Variants in PCP4 observed in about 807,000 individuals in gnomAD.
The protein encoded by PCP4 is Purkinje cell protein 4.
PCP4 carries 8 observed loss-of-function variants against 10.0 expected under a neutral mutation model. The observed-to-expected ratio is 0.80, with a 90% CI of 0.47 to 1.45. PCP4 has a LOEUF of 1.45. Ranked by LOEUF, PCP4 falls within the 40% of genes most tolerant of loss-of-function variation. PCP4 has a pLI of 0.00. For synonymous variants in PCP4, 21 were observed against 23.0 expected, an observed-to-expected ratio of 0.91 and a Z score of 0.24; for missense variants, 54 against 74.4, an observed-to-expected ratio of 0.73 and a Z score of 1.01.
At position 39,872,078 on chromosome 21, in the gene PCP4, A is replaced by G. The variant is rs146757945; in HGVS notation, c.9+4568A>G. Among the ~76,000 whole-genome samples the G allele has an allele frequency of 3.1e-4, 47 of 152,272 alleles. 2 individuals carry two copies. The East Asian group carries it at 8.9e-3, about 29-fold the overall frequency. Reference sequence around the variant, plus strand: ...CAGTAGCGCGATCTTGGCTCACTGCAACCTCTGCCTCCCAGGTTCAAGCAA... The same window carrying G: ...CAGTAGCGCGATCTTGGCTCACTGCGACCTCTGCCTCCCAGGTTCAAGCAA... On this transcript the variant is annotated intron_variant, in intron 1 of 2. Coordinates refer to ENST00000328619, the MANE Select transcript of PCP4 (RefSeq NM_006198.3).
intron 1 of PCP4, among the ~76,000 whole-genome samples, chr21:39,893,481 C>T (rs946742418): frequency 1.1e-4 from 16 of 152,188 alleles, no homozygotes; most frequent in Non-Finnish European, 1.5e-5. Flanking sequence ...GAATGGAAAC[C>T]TCGCTTTCTG....
chr21:39,917,205 T>C (rs2087572330), intron 2 of PCP4, among the ~76,000 whole-genome samples: 1 of 152,242 alleles, frequency 6.6e-6, no homozygotes, highest in South Asian at 2.1e-4. Flanking sequence ...TTCTAGCAGA[T>C]GCTTGACTGC....
chr21:39,894,677 G>A (rs2087448549), intron 1 of PCP4, among the ~76,000 whole-genome samples: 1 of 152,166 alleles, frequency 6.6e-6, no homozygotes, highest in African/African-American at 2.4e-5. Context: ...TTGCTCTGAA[G>A]CCAATTTATT....
chr21:39,869,490 A>G (rs2087309679), intron 1 of PCP4, among the ~76,000 whole-genome samples: 1 of 152,154 alleles, frequency 6.6e-6, no homozygotes, highest in Non-Finnish European at 1.5e-5. Context: ...CAAGGGGCAC[A>G]TCCCACTTTT....
At chr21:39,927,279 GATCTATCT>G (rs10526940) in intron 2 of PCP4, among the ~76,000 whole-genome samples, 4,304 of 139,274 alleles carry the variant, frequency 0.031, 97 homozygotes, top group African/African-American at 0.037. Flanking sequence ...CTGTCTCTCT[GATCTATCT>G]ATCTATCTAT....
chr21:39,872,576 C>T (rs2087325619), intron 1 of PCP4, among the ~76,000 whole-genome samples: 1 of 152,118 alleles, frequency 6.6e-6, no homozygotes, highest in Admixed American at 6.6e-5. Context: ...TTATGAAACA[C>T]AACATTAAAT....
At chr21:39,912,870 C>G (rs145144616) in intron 2 of PCP4, among the ~76,000 whole-genome samples, 44 of 152,128 alleles carry the variant, frequency 2.9e-4, no homozygotes, top group African/African-American at 1.0e-3. Flanking sequence ...CCACTATAAC[C>G]AGATAACTTA....
chr21:39,924,180 C>A (rs2087610074), intron 2 of PCP4, among the ~76,000 whole-genome samples: 1 of 152,172 alleles, frequency 6.6e-6, no homozygotes, highest in African/African-American at 2.4e-5. Context: ...CCTTACTGCC[C>A]ACGTCCCCTT....
At chr21:39,873,830 A>G (rs184700727) in intron 1 of PCP4, among the ~76,000 whole-genome samples, 29 of 152,304 alleles carry the variant, frequency 1.9e-4, no homozygotes, top group African/African-American at 7.0e-4. Flanking sequence ...ATTCTACATG[A>G]ACAATTTAGC....
intron 2 of PCP4, among the ~76,000 whole-genome samples, chr21:39,907,398 G>T (rs1340706880): frequency 3.9e-5 from 6 of 152,172 alleles, no homozygotes. Flanking sequence ...CCCAGAAAAG[G>T]AGAAACCAGA....
chr21:39,901,917 G>A (rs16998862), intron 2 of PCP4, among the ~76,000 whole-genome samples: 2,543 of 152,196 alleles, frequency 0.017, 68 homozygotes, highest in African/African-American at 0.058. Context: ...AAAGATGAGG[G>A]TAAAAACTTC....
chr21:39,905,273 A>G (rs2087501457), intron 2 of PCP4, among the ~76,000 whole-genome samples: 1 of 152,174 alleles, frequency 6.6e-6, no homozygotes, highest in African/African-American at 2.4e-5. Flanking sequence ...AATCAAAACA[A>G]AAGTGACTGA....
At chr21:39,882,981 C>T (rs145646534) in intron 1 of PCP4, among the ~76,000 whole-genome samples, 23 of 152,300 alleles carry the variant, frequency 1.5e-4, no homozygotes, top group African/African-American at 4.6e-4. Context: ...TGCCTTTGTC[C>T]GAGAGCCCAC....
intron 2 of PCP4, among the ~76,000 whole-genome samples, chr21:39,912,562 A>T (rs1947852744): frequency 6.6e-6 from 1 of 152,098 alleles, no homozygotes; most frequent in South Asian, 2.1e-4. Flanking sequence ...ACCAGGCCCC[A>T]TCTGAATTCT....
intron 2 of PCP4, among the ~76,000 whole-genome samples, chr21:39,911,759 G>C (rs1027317422): frequency 6.6e-6 from 1 of 152,208 alleles, no homozygotes; most frequent in Non-Finnish European, 1.5e-5. Context: ...CACCTTAAAT[G>C]ATGGCTGTGT....
chr21:39,910,249 G>A (rs1312732675), intron 2 of PCP4, among the ~76,000 whole-genome samples: 1 of 152,190 alleles, frequency 6.6e-6, no homozygotes, highest in Non-Finnish European at 1.5e-5. Context: ...GACTCCAGTT[G>A]CTACCAGTTC....
chr21:39,910,580 G>A (rs1353021442), intron 2 of PCP4, among the ~76,000 whole-genome samples: 1 of 152,172 alleles, frequency 6.6e-6, no homozygotes, highest in East Asian at 1.9e-4. Context: ...TGCTGGTTGG[G>A]GAAAGTGCTT....
At chr21:39,892,855 G>A (rs879322219) in intron 1 of PCP4, among the ~76,000 whole-genome samples, 4 of 152,012 alleles carry the variant, frequency 2.6e-5, no homozygotes, top group African/African-American at 4.8e-5. Context: ...CTATTCAGCC[G>A]TAAAAAAGAA....
chr21:39,914,240 C>T (rs4818100), intron 2 of PCP4, among the ~76,000 whole-genome samples: 140,230 of 152,208 alleles, frequency 0.92, 64,801 homozygotes, highest in African/African-American at 0.98. Flanking sequence ...TTCACAAAAC[C>T]CTGGAACACA....
Sources: gnomAD v4.1 joint callset for allele counts (sites outside exome capture counted in the v4.1 genomes callset) on GRCh38, gnomAD v4.1.1 for gene constraint, MANE v1.5 for transcripts, NCBI Gene and HGNC (gene_info 2026-07-23, HGNC 2026-07-21) for gene names.